Variants in KCNG2 observed in about 807,000 individuals in gnomAD.
KCNG2 encodes the protein potassium voltage-gated channel modifier subfamily G member 2.
A neutral mutation model predicts 12.3 loss-of-function variants in KCNG2; 7 were observed. The observed-to-expected ratio is 0.57, with a 90% confidence interval of 0.32 to 1.07. KCNG2 has a LOEUF of 1.07. Among genes scored for constraint, KCNG2 ranks in the 50% least tolerant of loss-of-function variants. KCNG2 has a pLI of 0.04. For synonymous variants in KCNG2, 414 were observed against 351.4 expected, an observed-to-expected ratio of 1.18 and a Z score of -1.99; for missense variants, 703 against 726.0, an observed-to-expected ratio of 0.97 and a Z score of 0.36.
chr18:79,825,728 G>A (rs1251250070), intron 1 of KCNG2, among the ~76,000 whole-genome samples: 1 of 152,218 alleles, frequency 6.6e-6, no homozygotes, highest in Non-Finnish European at 1.5e-5. Flanking sequence ...CCCGTCAGAT[G>A]TGATTTTCCC....
intron 1 of KCNG2, among the ~76,000 whole-genome samples, chr18:79,841,244 A>G (rs1234555175): frequency 6.6e-6 from 1 of 152,186 alleles, no homozygotes; most frequent in Non-Finnish European, 1.5e-5. Flanking sequence ...GCAAGCCATG[A>G]TCACACCATT....
intron 1 of KCNG2, among the ~76,000 whole-genome samples, chr18:79,810,179 G>C (rs538810422): frequency 4.6e-5 from 7 of 152,260 alleles, no homozygotes; most frequent in South Asian, 2.1e-4. Flanking sequence ...GCGGTGGGAG[G>C]GGGGAGTGGG....
rs943199044 is a variant in KCNG2, at chr18:79,822,341, C to T, written c.-115+24327C>T. ...CACCGCGTTCTTCATACTAGAGCCA[C>T]GGTTCTGTCCAGGGCCCCTCACCAT... On this transcript the variant is annotated intron_variant, in intron 1 of 3. Coordinates refer to ENST00000316249, the MANE Select transcript of KCNG2 (RefSeq NM_012283.2). The surrounding 1 kb of genome is among the most constrained non-coding windows in gnomAD (Gnocchi z 4.4). Among the ~76,000 whole-genome samples the T allele has an allele frequency of 2.0e-5, 3 of 152,212 alleles. No individual in the cohort carries two copies. Among genetic ancestry groups the T allele is most frequent in the Non-Finnish European group, 2.9e-5 (2 of 68,042 alleles).
intron 3 of KCNG2, among the ~76,000 whole-genome samples, chr18:79,870,060 G>A (rs1024744714): frequency 3.9e-5 from 6 of 152,332 alleles, no homozygotes; most frequent in Middle Eastern, 3.4e-3. Flanking sequence ...GGTGGGCACC[G>A]CTCGTGCTCC....
intron 1 of KCNG2, among the ~76,000 whole-genome samples, chr18:79,850,470 T>C (rs1978779605): frequency 1.3e-5 from 2 of 152,248 alleles, no homozygotes; most frequent in South Asian, 4.1e-4. Context: ...TCAGAGTTCC[T>C]ATTTCTGAAG....
chr18:79,867,528 G>A (rs867727673), intron 3 of KCNG2, among the ~76,000 whole-genome samples: 2 of 119,468 alleles, frequency 1.7e-5, no homozygotes, highest in Non-Finnish European at 3.6e-5. Flanking sequence ...GTCGTGTCTG[G>A]GGGGGGACCG....
At chr18:79,809,396 G>A (rs1378567327) in intron 1 of KCNG2, among the ~76,000 whole-genome samples, 1 of 147,258 alleles carries the variant, frequency 6.8e-6, no homozygotes, top group African/African-American at 2.5e-5. Flanking sequence ...CTGAGGAGCT[G>A]CCGGGGACAC....
Position 79,822,060 on chromosome 18 carries a change from A to T in KCNG2, c.-115+24046A>T, listed in dbSNP as rs992109491. ...CCCAGCACTGATATTTGGGGCTGGG[A>T]TGTGAAGGCTTCAGTAAAACTTGTC... On this transcript the variant is annotated intron_variant, in intron 1 of 3. Transcript: ENST00000316249. This position sits in a 1 kb window ranked among gnomAD's most constrained non-coding sequence, Gnocchi z 4.4. Among the ~76,000 whole-genome samples, 1 of 152,204 alleles carries T rather than the reference A, an allele frequency of 6.6e-6. No homozygotes were observed. Among genetic ancestry groups the T allele is most frequent in the Non-Finnish European group, 1.5e-5 (1 of 68,032 alleles).
At position 79,800,499 on chromosome 18, in the gene KCNG2, C is replaced by T. The variant is rs2087400293; in HGVS notation, c.-115+2485C>T. Among the ~76,000 whole-genome samples, 1 of 152,310 alleles carries T rather than the reference C, an allele frequency of 6.6e-6. No individual in the cohort carries two copies. The highest frequency in any genetic ancestry group is 2.1e-4 in the South Asian group (1 of 4,826). ...CGAGGTAGTTTAAGACCCCCTTCCT[C>T]AGATGAGGCTTGGGAGGCAGGATCT... is the stretch of plus-strand genomic sequence containing the variant. On this transcript the variant is annotated intron_variant, in intron 1 of 3. Coordinates refer to ENST00000316249, the MANE Select transcript of KCNG2 (RefSeq NM_012283.2). This position sits in a 1 kb window ranked among gnomAD's most constrained non-coding sequence, Gnocchi z 4.0.
At chr18:79,869,430 C>T (rs1179789870) in intron 3 of KCNG2, among the ~76,000 whole-genome samples, 1 of 152,204 alleles carries the variant, frequency 6.6e-6, no homozygotes, top group African/African-American at 2.4e-5. Context: ...GTGTGCTTGG[C>T]TCTGGGCTGC....
At chr18:79,858,150 G>A (rs1240441045) in intron 2 of KCNG2, among the ~76,000 whole-genome samples, 6 of 152,214 alleles carry the variant, frequency 3.9e-5, no homozygotes, top group South Asian at 2.1e-4. Flanking sequence ...ACAGGCGCCC[G>A]CCACTGCACC....
At chr18:79,883,520 C>T (rs1473178022) in intron 3 of KCNG2, among the ~76,000 whole-genome samples, 1 of 152,198 alleles carries the variant, frequency 6.6e-6, no homozygotes, top group Non-Finnish European at 1.5e-5. Context: ...CAGAGTTTTA[C>T]GAGTTTATAC....
In KCNG2 at chr18:79,803,092, C is replaced by T. The variant is rs752654206; in HGVS notation, c.-115+5078C>T. On this transcript the variant is annotated intron_variant, in intron 1 of 3. Transcript: ENST00000316249. The surrounding 1 kb of genome is among the most constrained non-coding windows in gnomAD (Gnocchi z 4.5). ...GCTTGGGAGGCTGAGGCAGGAGAAT[C>T]GCTTGAACCCGGAAGGCGGAGCTTG... Among the ~76,000 whole-genome samples the T allele has an allele frequency of 8.5e-5, 13 of 152,172 alleles. No homozygotes were observed. The highest frequency in any genetic ancestry group is 3.3e-4 in the Admixed American group (5 of 15,274).
chr18:79,846,469 A>G (rs1325466261), intron 1 of KCNG2, among the ~76,000 whole-genome samples: 1 of 135,356 alleles, frequency 7.4e-6, no homozygotes, highest in Non-Finnish European at 1.7e-5. Context: ...TGAGACTCAC[A>G]TGTGAACTCA....
At chr18:79,810,787 C>T (rs1302241685) in intron 1 of KCNG2, among the ~76,000 whole-genome samples, 1 of 151,964 alleles carries the variant, frequency 6.6e-6, no homozygotes, top group Non-Finnish European at 1.5e-5. Flanking sequence ...AACCAAAAAA[C>T]GTAGAAAAAA....
At chr18:79,858,454 C>T (rs1334626982) in intron 2 of KCNG2, among the ~76,000 whole-genome samples, 2 of 152,202 alleles carry the variant, frequency 1.3e-5, no homozygotes, top group Admixed American at 6.5e-5. Flanking sequence ...CCATATTTTG[C>T]TTCTCCGTTT....
intron 1 of KCNG2, among the ~76,000 whole-genome samples, chr18:79,799,927 C>T (rs1317042680): frequency 2.0e-5 from 3 of 152,088 alleles, no homozygotes; most frequent in Admixed American, 2.0e-4. Flanking sequence ...AGGAACAGGC[C>T]GGTCAGAAAC....
intron 3 of KCNG2, among the ~76,000 whole-genome samples, chr18:79,892,245 C>T (rs951997184): frequency 6.6e-6 from 1 of 152,044 alleles, no homozygotes; most frequent in African/African-American, 2.4e-5. Context: ...TTGGTGCATA[C>T]ATTTTACTTG....
At chr18:79,807,661 A>G (rs1400454153) in intron 1 of KCNG2, among the ~76,000 whole-genome samples, 1 of 152,154 alleles carries the variant, frequency 6.6e-6, no homozygotes, top group Non-Finnish European at 1.5e-5. Context: ...AAACAAGTCC[A>G]GCTGTGAAGC....
Sources: gnomAD v4.1 joint callset for allele counts (sites outside exome capture counted in the v4.1 genomes callset) on GRCh38, gnomAD v4.1.1 for gene constraint, Gnocchi (gnomAD v3.1) non-coding constraint, MANE v1.5 for transcripts, NCBI Gene and HGNC (gene_info 2026-07-23, HGNC 2026-07-21) for gene names.